PCSK5: variants seen among roughly 807,000 people sequenced by gnomAD.
PCSK5 encodes the protein proprotein convertase subtilisin/kexin type 5, also known as prohormone convertase 5.
In PCSK5, 129 loss-of-function variants were observed where a neutral mutation model predicts 233.2. The observed-to-expected ratio is 0.55, with a 90% CI of 0.48 to 0.64. The LOEUF is 0.64. Among genes scored for constraint, PCSK5 ranks in the 30% least tolerant of loss-of-function variants. The pLI is 0.00. For synonymous variants in PCSK5, 825 were observed against 879.2 expected, an observed-to-expected ratio of 0.94 and a Z score of 1.09; for missense variants, 2,076 against 2,430.1, an observed-to-expected ratio of 0.85 and a Z score of 3.06.
At chr9:76,061,497 A>G (rs1052485196) in intron 5 of PCSK5, among the ~76,000 whole-genome samples, 1 of 152,224 alleles carries the variant, frequency 6.6e-6, no homozygotes, top group African/African-American at 2.4e-5. Flanking sequence ...TTAATAATAG[A>G]TACAATGAAC....
intron 7 of PCSK5, among the ~76,000 whole-genome samples, chr9:76,094,492 C>G (rs1404028964): frequency 6.6e-6 from 1 of 152,192 alleles, no homozygotes; most frequent in Non-Finnish European, 1.5e-5. Context: ...GAAATACTTT[C>G]CATTTTGGCT....
chr9:76,047,841 T>G (rs1227576807), intron 5 of PCSK5, among the ~76,000 whole-genome samples: 1 of 152,218 alleles, frequency 6.6e-6, no homozygotes, highest in Admixed American at 6.5e-5. Context: ...TATTACCTAA[T>G]AGAGCATGCA....
intron 24 of PCSK5, among the ~76,000 whole-genome samples, chr9:76,250,784 C>A (rs984222044): frequency 6.6e-6 from 1 of 152,138 alleles, no homozygotes; most frequent in African/African-American, 2.4e-5. Context: ...AAATTACGGA[C>A]TTTACGTTAG....
At chr9:75,928,124 G>A (rs1823581837) in intron 1 of PCSK5, among the ~76,000 whole-genome samples, 1 of 152,140 alleles carries the variant, frequency 6.6e-6, no homozygotes, top group African/African-American at 2.4e-5. Context: ...GTGTGTGACT[G>A]TACAGAAGAG....
intron 1 of PCSK5, among the ~76,000 whole-genome samples, chr9:75,895,508 A>G (rs950010248): frequency 1.3e-5 from 2 of 152,240 alleles, no homozygotes; most frequent in Admixed American, 6.5e-5. Flanking sequence ...AGGCAGGGAA[A>G]ATGATTTTCC....
chr9:76,299,673 C>CAAA (rs896253613), intron 27 of PCSK5, among the ~76,000 whole-genome samples: 33 of 152,028 alleles, frequency 2.2e-4, no homozygotes, highest in African/African-American at 8.0e-4. Flanking sequence ...CCATCTAAAA[C>CAAA]AACAACAACA....
chr9:76,237,802 G>T (rs13298706), intron 22 of PCSK5, among the ~76,000 whole-genome samples: 12,552 of 152,118 alleles, frequency 0.083, 673 homozygotes, highest in Admixed American at 0.13. Context: ...TTTCAACTAT[G>T]GCTTTGAATA....
chr9:76,320,423 T>C (rs1405150703), intron 30 of PCSK5, among the ~76,000 whole-genome samples: 1 of 130,516 alleles, frequency 7.7e-6, no homozygotes, highest in Non-Finnish European at 1.6e-5. Context: ...AGCAAGACTC[T>C]GTCTCAAAAA....
At chr9:76,149,946 A>G (rs975077491) in intron 10 of PCSK5, among the ~76,000 whole-genome samples, 4 of 152,240 alleles carry the variant, frequency 2.6e-5, no homozygotes, top group African/African-American at 9.6e-5. Flanking sequence ...GAAAGCAGAC[A>G]TATCTCCTTC....
At chr9:76,250,416 C>A (rs1439908204) in intron 24 of PCSK5, among the ~76,000 whole-genome samples, 2 of 152,158 alleles carry the variant, frequency 1.3e-5, no homozygotes, top group Non-Finnish European at 2.9e-5. Flanking sequence ...AGAAAGCTGA[C>A]AAACACTACG....
intron 5 of PCSK5, among the ~76,000 whole-genome samples, chr9:76,042,673 C>T (rs1393675933): frequency 6.6e-6 from 1 of 152,096 alleles, no homozygotes; most frequent in Non-Finnish European, 1.5e-5. Flanking sequence ...CTAAAAGTTT[C>T]AGCAAAGGGA....
At position 75,891,280 on chromosome 9, in the gene PCSK5, C is replaced by G; in HGVS notation, c.99C>G (p.Arg33=). The part of the protein sequence containing the change: ...GGCLLPVCRT[R]VYTNHWAVKI... ...GCCTGCTCCCCGTGTGTCGGACGCG[C>G]GTCTACACCAACCACTGGGCAGTCA... The change falls in exon 1 of 38, where the codon CGC becomes CGG. Residue 33 remains arginine, a synonymous_variant. Coordinates refer to ENST00000674117, the MANE Select transcript of PCSK5 (RefSeq NM_001372043.1). 1 of 1,543,256 alleles carries G rather than the reference C, an allele frequency of 6.5e-7. No homozygotes were observed. The highest frequency in any genetic ancestry group is 1.2e-5 in the South Asian group (1 of 80,916).
At chr9:76,206,547 C>G (rs1448004925) in intron 20 of PCSK5, among the ~76,000 whole-genome samples, 1 of 152,200 alleles carries the variant, frequency 6.6e-6, no homozygotes, top group Non-Finnish European at 1.5e-5. Flanking sequence ...GGGCAGGGCA[C>G]AGCTAATTGT....
chr9:76,087,996 C>T (rs984702325), intron 7 of PCSK5, among the ~76,000 whole-genome samples: 8 of 152,306 alleles, frequency 5.3e-5, no homozygotes, highest in African/African-American at 1.9e-4. Flanking sequence ...TTGTATTTCC[C>T]ATCTCTCTCA....
intron 8 of PCSK5, among the ~76,000 whole-genome samples, chr9:76,103,104 G>A (rs1243680436): frequency 6.6e-6 from 1 of 152,166 alleles, no homozygotes; most frequent in Non-Finnish European, 1.5e-5. Context: ...GACTTCTGTG[G>A]ACACAAAAAG....
rs1587724435 is a variant in PCSK5, at chr9:76,179,650, A to G, written c.1955A>G (p.His652Arg). Residue 652 changes from histidine to arginine, a missense_variant, in exon 15 of 38, where the codon CAC becomes CGC. This residue lies in a region of PCSK5 where 84 missense variants were observed against 108.8 expected (regional missense o/e 0.77). Coordinates refer to ENST00000674117, the MANE Select transcript of PCSK5 (RefSeq NM_001372043.1). ...GGCTGTGACGGGCCAGGACCAGACC[A>G]CTGCAATGACTGTTTGCACTACTAC... Reference protein sequence around the residue: ...EVGCDGPGPDHCNDCLHYYYK... With the variant: ...EVGCDGPGPDRCNDCLHYYYK... 5 of 1,613,864 alleles carry G rather than the reference A, an allele frequency of 3.1e-6. No homozygotes were observed. In the South Asian group the frequency reaches 5.5e-5, roughly 18 times the overall value.
In PCSK5 at chr9:76,310,642, C is replaced by A; in HGVS notation, c.3689-14C>A. ...GATGACTATTCCCATCTTCCCTCTT[C>A]CCTGAATTTCTAGGTGCATATCTTC... On this transcript the variant is annotated splice_polypyrimidine_tract_variant and intron_variant, in intron 29 of 37. Coordinates refer to ENST00000674117, the MANE Select transcript of PCSK5 (RefSeq NM_001372043.1). 3 of 1,521,126 alleles carry A rather than the reference C, an allele frequency of 2.0e-6. No homozygotes were observed. The highest frequency in any genetic ancestry group is 2.6e-6 in the Non-Finnish European group (3 of 1,132,364). The allele number at this position is 1,521,126 out of a possible 1,614,324, so 94.2% of individuals were successfully genotyped here. A position where few individuals can be genotyped will look rare whatever the true frequency, so the allele number is the denominator to read the frequency against.
chr9:76,285,058 G>T (rs1381210541), intron 24 of PCSK5, among the ~76,000 whole-genome samples: 1 of 152,104 alleles, frequency 6.6e-6, no homozygotes, highest in Non-Finnish European at 1.5e-5. Flanking sequence ...AAACAGTATG[G>T]AGCTTAGAAC....
At chr9:76,212,268 C>T (rs1564111530) in intron 20 of PCSK5, among the ~76,000 whole-genome samples, 1 of 152,146 alleles carries the variant, frequency 6.6e-6, no homozygotes, top group Non-Finnish European at 1.5e-5. Flanking sequence ...AAAGGCACTC[C>T]TGATTGCTTA....
Sources: allele counts gnomAD v4.1 joint callset (sites outside exome capture counted in the v4.1 genomes callset), GRCh38; gene constraint gnomAD v4.1.1; regional missense constraint gnomAD v4.1.1; transcripts MANE v1.5; gene names NCBI Gene and HGNC (gene_info 2026-07-23, HGNC 2026-07-21).